Variants in ADGRB3 observed in about 807,000 individuals in gnomAD.
ADGRB3 encodes the protein adhesion G protein-coupled receptor B3.
ADGRB3 carries 37 observed loss-of-function variants against 193.4 expected under a neutral mutation model. The observed-to-expected ratio is 0.19, with a 90% confidence interval of 0.15 to 0.25. ADGRB3 has a LOEUF of 0.25. ADGRB3 is among the 10% of genes least tolerant of loss of function. ADGRB3 has a pLI of 1.00. For missense variants in ADGRB3, 1,637 were observed against 1,852.9 expected (o/e 0.88, Z 2.14); for synonymous variants, 690 against 644.2 (o/e 1.07, Z -1.08).
At chr6:69,027,376 A>G (rs1252224565) in intron 13 of ADGRB3, among the ~76,000 whole-genome samples, 2 of 152,164 alleles carry the variant, frequency 1.3e-5, no homozygotes, top group Non-Finnish European at 2.9e-5. Context: ...ATCTCCTATG[A>G]TAACACTATT....
chr6:69,331,800 C>T, intron 23 of ADGRB3: 2 of 985,158 alleles, frequency 2.0e-6, no homozygotes, highest in Non-Finnish European at 2.4e-6. Context: ...GTGACAAATT[C>T]CCTTATGATT....
chr6:69,043,215 G>A (rs7764479), intron 13 of ADGRB3, among the ~76,000 whole-genome samples: 63,603 of 147,864 alleles, frequency 0.43, 14,167 homozygotes, highest in African/African-American at 0.48. Flanking sequence ...GAAAAAAGAA[G>A]AGACAAGAAA....
At chr6:69,214,261 G>A (rs1204176947) in intron 17 of ADGRB3, among the ~76,000 whole-genome samples, 1 of 152,150 alleles carries the variant, frequency 6.6e-6, no homozygotes. Flanking sequence ...AGTGGTGTCA[G>A]CTGGGTGTGG....
At chr6:68,895,034 G>T (rs111498568) in intron 3 of ADGRB3, among the ~76,000 whole-genome samples, 6 of 151,876 alleles carry the variant, frequency 4.0e-5, no homozygotes, top group African/African-American at 1.4e-4. Context: ...AGTTAGTGGA[G>T]AAAATTATTA....
At chr6:68,751,242 T>C (rs1181061047) in intron 3 of ADGRB3, among the ~76,000 whole-genome samples, 1 of 152,202 alleles carries the variant, frequency 6.6e-6, no homozygotes, top group Non-Finnish European at 1.5e-5. Flanking sequence ...GGTTCCTCAC[T>C]GAGTTCTTAT....
chr6:69,220,710 G>C (rs980062381), intron 17 of ADGRB3, among the ~76,000 whole-genome samples: 1 of 152,042 alleles, frequency 6.6e-6, no homozygotes, highest in African/African-American at 2.4e-5. Flanking sequence ...GCCATTGAGG[G>C]TTCAGCGCTG....
rs576713768 is a variant in ADGRB3, at chr6:68,984,436, G to A, written c.1734+9096G>A. Among the ~76,000 whole-genome samples, 4 of 152,220 alleles carry A rather than the reference G, an allele frequency of 2.6e-5. No individual in the cohort carries two copies. The South Asian group carries it at 6.2e-4, about 24-fold the overall frequency. On this transcript the variant is annotated intron_variant, in intron 10 of 31. Coordinates refer to ENST00000370598, the MANE Select transcript of ADGRB3 (RefSeq NM_001704.3). ...ATCTGGAGAATGTAATTGGATATGG[G>A]AGTCGGAAACTCAGATTCTAATTTC...
At chr6:68,833,122 A>G (rs765354891) in intron 3 of ADGRB3, among the ~76,000 whole-genome samples, 2 of 152,138 alleles carry the variant, frequency 1.3e-5, no homozygotes, top group Non-Finnish European at 2.9e-5. Context: ...TCCATTCTTT[A>G]TAGGAAAGAT....
Position 69,123,008 on chromosome 6 carries a change from G to GTGTT in ADGRB3, c.2480+46973_2480+46974insTTGT, listed in dbSNP as rs1773759995. 2.0e-5 allele frequency among the ~76,000 whole-genome samples: 3 copies of GTGTT among 148,132 alleles called. 1 individual carries two copies. In the South Asian group the frequency reaches 6.5e-4, roughly 32 times the overall value. On this transcript the variant is annotated intron_variant, in intron 17 of 31. Coordinates refer to ENST00000370598, the MANE Select transcript of ADGRB3 (RefSeq NM_001704.3). ...TATACACATACGTGTGAGTGTGTGT[G>GTGTT]TGTGTGTGTGTGTGTATGTGTGTTT...
intron 10 of ADGRB3, among the ~76,000 whole-genome samples, chr6:68,986,465 T>C (rs537543868): frequency 1.3e-5 from 2 of 152,326 alleles, no homozygotes; most frequent in East Asian, 3.9e-4. Context: ...AACTCTGAGA[T>C]GAACACAAAC....
At chr6:68,679,260 A>G (rs1316649245) in intron 3 of ADGRB3, among the ~76,000 whole-genome samples, 1 of 152,210 alleles carries the variant, frequency 6.6e-6, no homozygotes, top group Non-Finnish European at 1.5e-5. Context: ...TTTCTTGCTC[A>G]TGTAACAGTT....
chr6:69,363,852 T>C (rs554250506), intron 29 of ADGRB3, among the ~76,000 whole-genome samples: 2 of 152,130 alleles, frequency 1.3e-5, no homozygotes, highest in Non-Finnish European at 2.9e-5. Flanking sequence ...AGATTGCGTA[T>C]GCAGGGTCAA....
chr6:68,707,859 A>G (rs1765350810), intron 3 of ADGRB3, among the ~76,000 whole-genome samples: 1 of 152,176 alleles, frequency 6.6e-6, no homozygotes, highest in African/African-American at 2.4e-5. Flanking sequence ...CACTAACACA[A>G]GGAAGGACAA....
intron 20 of ADGRB3, among the ~76,000 whole-genome samples, chr6:69,274,903 T>C (rs73469396): frequency 0.075 from 11,422 of 152,138 alleles, 1,411 homozygotes; most frequent in African/African-American, 0.26. Flanking sequence ...AGAAATGTAC[T>C]GATGTACTAT....
chr6:68,915,051 A>G (rs1047087891), intron 3 of ADGRB3, among the ~76,000 whole-genome samples: 4 of 152,202 alleles, frequency 2.6e-5, no homozygotes, highest in Admixed American at 6.5e-5. Context: ...ATGTCTGCAA[A>G]TTTAGAAAAG....
chr6:68,814,667 G>A (rs554094242), intron 3 of ADGRB3, among the ~76,000 whole-genome samples: 2 of 152,166 alleles, frequency 1.3e-5, no homozygotes, highest in South Asian at 4.1e-4. Flanking sequence ...ACCAAAGCCT[G>A]GCAGAGACAC....
intron 17 of ADGRB3, among the ~76,000 whole-genome samples, chr6:69,203,916 C>A (rs1346303159): frequency 1.3e-5 from 2 of 152,002 alleles, no homozygotes; most frequent in Non-Finnish European, 2.9e-5. Flanking sequence ...ATACGTGTGT[C>A]TTATTTCACT....
intron 17 of ADGRB3, among the ~76,000 whole-genome samples, chr6:69,100,723 T>C (rs2150321079): frequency 6.6e-6 from 1 of 151,216 alleles, no homozygotes; most frequent in East Asian, 2.0e-4. Context: ...AGGTAATTAC[T>C]GTTAAATTTT....
At chr6:68,728,258 C>T (rs1765708403) in intron 3 of ADGRB3, among the ~76,000 whole-genome samples, 1 of 151,026 alleles carries the variant, frequency 6.6e-6, no homozygotes, top group Non-Finnish European at 1.5e-5. Flanking sequence ...TTTGGTAGCT[C>T]CCAAAGCTAT....
Sources: allele counts gnomAD v4.1 joint callset (sites outside exome capture counted in the v4.1 genomes callset), GRCh38; gene constraint gnomAD v4.1.1; transcripts MANE v1.5; gene names NCBI Gene and HGNC (gene_info 2026-07-23, HGNC 2026-07-21).